Variants in DDI2 observed in about 807,000 individuals in gnomAD.
The protein encoded by DDI2 is protein DDI1 homolog 2.
DDI2 carries 5 observed loss-of-function variants against 48.1 expected under a neutral mutation model. The observed-to-expected ratio is 0.10, with a 90% CI of 0.05 to 0.22. The LOEUF (loss-of-function observed/expected upper bound fraction) is 0.22, where lower values mean the gene tolerates loss of function less well. Among genes scored for constraint, DDI2 ranks in the 10% least tolerant of loss-of-function variants. The pLI, the probability that DDI2 is intolerant of heterozygous loss-of-function variation, is 1.00. For synonymous variants in DDI2, 205 were observed against 183.6 expected (o/e 1.12, Z -0.94); for missense variants, 285 against 506.2 (o/e 0.56, Z 4.19).
chr1:15,639,837 G>A (rs921277958), intron 5 of DDI2, among the ~76,000 whole-genome samples: 2 of 151,708 alleles, frequency 1.3e-5, no homozygotes, highest in African/African-American at 2.4e-5. Context: ...GGGAAACCTC[G>A]CCTCTACAAA....
chr1:15,668,612 C>T lies in DDI2; in HGVS notation c.*8822C>T, dbSNP rs2148313839. On this transcript the variant is annotated 3_prime_UTR_variant, in exon 10 of 10. Coordinates refer to ENST00000480945, the MANE Select transcript of DDI2 (RefSeq NM_032341.5). ...TTAGCAACTAGAAACCCCGTCCTTT[C>T]TTTTCCTTCTTTATATGTTCTTGCA... is the stretch of plus-strand genomic sequence containing the variant. The T allele has an allele frequency of 6.6e-6, 1 of 152,316 alleles. No homozygotes were observed. The highest frequency in any genetic ancestry group is 1.5e-5 in the Non-Finnish European group (1 of 68,026). 9.4% of individuals were successfully genotyped at this position (152,316 alleles called of 1,614,324 possible).
chr1:15,636,171 G>A (rs758339297), intron 4 of DDI2, among the ~76,000 whole-genome samples: 4 of 152,132 alleles, frequency 2.6e-5, no homozygotes, highest in African/African-American at 4.8e-5. Flanking sequence ...GGCCTCCGAC[G>A]TTTAGGCTGG....
intron 6 of DDI2, among the ~76,000 whole-genome samples, chr1:15,646,063 C>G (rs7516453): frequency 0.31 from 47,477 of 152,000 alleles, 8,294 homozygotes; most frequent in African/African-American, 0.45. Flanking sequence ...CTGTCTCCCT[C>G]CATGCTCACC....
rs1441735090 is a variant in DDI2, at chr1:15,665,457, G to T, written c.*5667G>T. 1.3e-5 allele frequency: 2 copies of T among 152,042 alleles called. No individual in the cohort carries two copies. Among genetic ancestry groups the T allele is most frequent in the African/African-American group, 4.8e-5 (2 of 41,406 alleles). 9.4% of individuals were successfully genotyped at this position (152,042 alleles called of 1,614,324 possible). On this transcript the variant is annotated 3_prime_UTR_variant, in exon 10 of 10. Coordinates refer to ENST00000480945, the MANE Select transcript of DDI2 (RefSeq NM_032341.5). The stretch of plus-strand genomic sequence containing the variant: ...TCTAGCAAGAGGGTACATAGAAATG[G>T]AACATGAGGCTTTTTGTCACTGATT...
In DDI2 at chr1:15,625,120, G is replaced by A. The variant is rs116680880; in HGVS notation, c.139-1549G>A. Among the ~76,000 whole-genome samples the A allele has an allele frequency of 6.8e-3, 1,033 of 152,238 alleles. 6 individuals are homozygous for A. Among genetic ancestry groups the A allele is most frequent in the African/African-American group, 0.023 (971 of 41,554 alleles). ...TTCCAGTTTAAATGCTGTGTTTTCA[G>A]TTTTTATTTCAGGTAACCTTACTAT... On this transcript the variant is annotated intron_variant, in intron 1 of 9. Transcript: ENST00000480945.
chr1:15,663,878 T>A lies in DDI2; in HGVS notation c.*4088T>A, dbSNP rs1557627513. On this transcript the variant is annotated 3_prime_UTR_variant, in exon 10 of 10. Transcript: ENST00000480945. ...AAGCAGAACGAACCTTGGCACACAA[T>A]TCAGTGTGGATATTTGGGAAACAGT... The A allele has an allele frequency of 6.6e-6, 1 of 152,182 alleles. No individual in the cohort carries two copies. The allele number at this position is 152,182 out of a possible 1,614,324, so 9.4% of individuals were successfully genotyped here. A position where few individuals can be genotyped will look rare whatever the true frequency, so the allele number is the denominator to read the frequency against.
chr1:15,660,058 C>G lies in DDI2; in HGVS notation c.*268C>G, dbSNP rs1557625297. On this transcript the variant is annotated 3_prime_UTR_variant, in exon 10 of 10. Transcript: ENST00000480945. ...TTTGAAGGCTTCAGCTGAATTCCAG[C>G]TAAACTCTGAAAAGAAAGAACATCT... The G allele has an allele frequency of 1.2e-6, 2 of 1,613,698 alleles. No individual in the cohort carries two copies. The highest frequency in any genetic ancestry group is 1.7e-6 in the Non-Finnish European group (2 of 1,179,746).
At chr1:15,624,626 G>T (rs1350147463) in intron 1 of DDI2, among the ~76,000 whole-genome samples, 1 of 151,914 alleles carries the variant, frequency 6.6e-6, no homozygotes, top group African/African-American at 2.4e-5. Flanking sequence ...TGCTACCATG[G>T]CTGGCTATTT....
In DDI2 at chr1:15,656,515, C is replaced by T. The variant is rs546079918; in HGVS notation, c.1184-102C>T. 3,708 of 1,608,070 alleles carry T rather than the reference C, an allele frequency of 2.3e-3. 9 individuals carry two copies. Among genetic ancestry groups the T allele is most frequent in the Non-Finnish European group, 2.9e-3 (3,431 of 1,176,572 alleles). On this transcript the variant is annotated intron_variant, in intron 8 of 9. Coordinates refer to ENST00000480945, the MANE Select transcript of DDI2 (RefSeq NM_032341.5). ...TCCCTCAACTTGGAATCTACCAGTT[C>T]CTGATTTTAAAGATGGCAAAAGAAC...
intron 5 of DDI2, among the ~76,000 whole-genome samples, chr1:15,638,916 G>C (rs982384632): frequency 6.6e-6 from 1 of 152,076 alleles, no homozygotes; most frequent in Non-Finnish European, 1.5e-5. Flanking sequence ...GTATTTTGTG[G>C]TGTCTCCTTT....
chr1:15,656,383 C>A lies in DDI2; in HGVS notation c.1184-234C>A, dbSNP rs959599268. ...CTATGTGTAGAAACAAAATTAATTTCTTTACAAGATCTATTAAAAATCTGT... is the reference window on the plus strand; with the variant it reads ...CTATGTGTAGAAACAAAATTAATTTATTTACAAGATCTATTAAAAATCTGT... On this transcript the variant is annotated intron_variant, in intron 8 of 9. Coordinates refer to ENST00000480945, the MANE Select transcript of DDI2 (RefSeq NM_032341.5). The A allele has an allele frequency of 5.8e-6, 8 of 1,383,840 alleles. No individual in the cohort carries two copies. In the African/African-American group the frequency reaches 7.3e-5, roughly 13 times the overall value. The allele number at this position is 1,383,840 out of a possible 1,614,324, so 85.7% of individuals were successfully genotyped here. A position where few individuals can be genotyped will look rare whatever the true frequency, so the allele number is the denominator to read the frequency against.
At chr1:15,622,078 T>C (rs1465346680) in intron 1 of DDI2, among the ~76,000 whole-genome samples, 1 of 152,218 alleles carries the variant, frequency 6.6e-6, no homozygotes, top group East Asian at 1.9e-4. Context: ...ATTTTATCTT[T>C]ATTCTTTATA....
At chr1:15,632,128 A>T (rs1423405408) in intron 3 of DDI2, among the ~76,000 whole-genome samples, 1 of 152,130 alleles carries the variant, frequency 6.6e-6, no homozygotes, top group Non-Finnish European at 1.5e-5. Flanking sequence ...CACTCAACTT[A>T]ATGCTTTTTA....
chr1:15,621,034 G>A (rs1639651916), intron 1 of DDI2, among the ~76,000 whole-genome samples: 1 of 152,148 alleles, frequency 6.6e-6, no homozygotes, highest in African/African-American at 2.4e-5. Context: ...GATGATAGTA[G>A]TTACAATGCA....
chr1:15,618,708 A>T lies in DDI2; in HGVS notation c.138+900A>T, dbSNP rs555334671. Among the ~76,000 whole-genome samples the T allele has an allele frequency of 2.0e-3, 309 of 152,338 alleles. 2 individuals carry two copies. The highest frequency in any genetic ancestry group is 2.9e-3 in the Non-Finnish European group (196 of 68,036). ...TTGGGGCTGCCCCTAGTCTTTATCA[A>T]ACAGAATCGGTGACACTAACGCTGT... On this transcript the variant is annotated intron_variant, in intron 1 of 9. Transcript: ENST00000480945.
At chr1:15,654,431 C>T (rs1640238222) in intron 8 of DDI2, among the ~76,000 whole-genome samples, 1 of 152,046 alleles carries the variant, frequency 6.6e-6, no homozygotes, top group South Asian at 2.1e-4. Flanking sequence ...GGCAGGACGA[C>T]CACTTGAGCC....
At position 15,660,336 on chromosome 1, in the gene DDI2, T is replaced by A; in HGVS notation, c.*546T>A. 6.2e-7 allele frequency: 1 copy of A among 1,613,948 alleles called. No individual in the cohort carries two copies. The highest frequency in any genetic ancestry group is 8.5e-7 in the Non-Finnish European group (1 of 1,179,994). On this transcript the variant is annotated 3_prime_UTR_variant, in exon 10 of 10. Coordinates refer to ENST00000480945, the MANE Select transcript of DDI2 (RefSeq NM_032341.5). ...GTGAAAAGGATTGGCATCCAGAAAA[T>A]CAGAACCTGAGTCAAGTGAGTGACC...
chr1:15,655,222 A>G (rs35001035), intron 8 of DDI2, among the ~76,000 whole-genome samples: 15,712 of 152,242 alleles, frequency 0.1, 1,114 homozygotes, highest in African/African-American at 0.19. Flanking sequence ...TGTTTAAGTA[A>G]TGAAATAATT....
intron 1 of DDI2, among the ~76,000 whole-genome samples, chr1:15,622,030 T>A (rs1639674367): frequency 1.3e-5 from 2 of 152,198 alleles, no homozygotes; most frequent in South Asian, 4.1e-4. Context: ...GCCATTCAGA[T>A]GTAATTCCAA....
Sources: gnomAD v4.1 joint callset for allele counts (sites outside exome capture counted in the v4.1 genomes callset) on GRCh38, gnomAD v4.1.1 for gene constraint, MANE v1.5 for transcripts, NCBI Gene and HGNC (gene_info 2026-07-23, HGNC 2026-07-21) for gene names.